Variants in CNTN5 observed in about 807,000 individuals in gnomAD.
CNTN5 encodes the protein contactin-5.
In CNTN5, 77 loss-of-function variants were observed where a neutral mutation model predicts 129.1. That is an observed-to-expected ratio of 0.60 (90% CI 0.50 to 0.72). The LOEUF is 0.72. Ranked by LOEUF, CNTN5 falls within the 30% of genes least tolerant of loss-of-function variation. The pLI is 0.00. For missense variants in CNTN5, 1,478 were observed against 1,328.8 expected, an observed-to-expected ratio of 1.11 and a Z score of -1.75; for synonymous variants, 509 against 465.6, an observed-to-expected ratio of 1.09 and a Z score of -1.20.
At chr11:99,092,080 G>T (rs1349737024) in intron 1 of CNTN5, among the ~76,000 whole-genome samples, 1 of 152,118 alleles carries the variant, frequency 6.6e-6, no homozygotes, top group Non-Finnish European at 1.5e-5. Context: ...GCCAATACAT[G>T]AGAAAGAAAG....
At chr11:99,575,200 A>G (rs1472408529) in intron 3 of CNTN5, among the ~76,000 whole-genome samples, 1 of 152,210 alleles carries the variant, frequency 6.6e-6, no homozygotes, top group African/African-American at 2.4e-5. Context: ...ACGTGTCTAT[A>G]TAATATTTAC....
At chr11:99,785,249 GA>G (rs1168856225) in intron 3 of CNTN5, among the ~76,000 whole-genome samples, 2 of 151,944 alleles carry the variant, frequency 1.3e-5, no homozygotes, top group Non-Finnish European at 2.9e-5. Context: ...ATTTTGATGG[GA>G]TTTTTTTTCT....
chr11:99,046,932 A>G lies in CNTN5; in HGVS notation c.-210+25662A>G, dbSNP rs1412648405. Among the ~76,000 whole-genome samples, 3 of 152,188 alleles carry G rather than the reference A, an allele frequency of 2.0e-5. No individual in the cohort carries two copies. The East Asian group carries it at 5.8e-4, about 29-fold the overall frequency. ...AGTCCCTTATTTTATCTCAGAAATG[A>G]TTTCATAAAATTGAAGTGAATTAGG... On this transcript the variant is annotated intron_variant, in intron 1 of 24. Coordinates refer to ENST00000524871, the MANE Select transcript of CNTN5 (RefSeq NM_014361.4).
At chr11:99,794,617 T>C (rs1945868532) in intron 3 of CNTN5, among the ~76,000 whole-genome samples, 1 of 152,206 alleles carries the variant, frequency 6.6e-6, no homozygotes, top group Non-Finnish European at 1.5e-5. Flanking sequence ...GGCAGATCTT[T>C]TGGTAACAAA....
chr11:99,820,682 T>A (rs902715019), intron 4 of CNTN5, among the ~76,000 whole-genome samples: 1 of 152,260 alleles, frequency 6.6e-6, no homozygotes, highest in Non-Finnish European at 1.5e-5. Flanking sequence ...GTAGATATTG[T>A]TACTGCCTTC....
At chr11:99,597,609 G>C (rs1439293486) in intron 3 of CNTN5, among the ~76,000 whole-genome samples, 1 of 152,022 alleles carries the variant, frequency 6.6e-6, no homozygotes, top group African/African-American at 2.4e-5. Flanking sequence ...TCCGGTACTG[G>C]TTATATCTAG....
chr11:99,657,109 G>C (rs570545106), intron 3 of CNTN5, among the ~76,000 whole-genome samples: 1 of 150,952 alleles, frequency 6.6e-6, no homozygotes, highest in Non-Finnish European at 1.5e-5. Flanking sequence ...AGTACAGATA[G>C]CTTAATGAAA....
chr11:100,120,844 ATTTAT>A (rs1945995087), intron 13 of CNTN5, among the ~76,000 whole-genome samples: 1 of 151,982 alleles, frequency 6.6e-6, no homozygotes, highest in African/African-American at 2.4e-5. Flanking sequence ...ATAAAAATAA[ATTTAT>A]TTTAAACTTA....
chr11:99,297,223 G>A (rs765035250), intron 1 of CNTN5, among the ~76,000 whole-genome samples: 1 of 152,174 alleles, frequency 6.6e-6, no homozygotes, highest in Non-Finnish European at 1.5e-5. Context: ...TAAAACAAGA[G>A]GGAGGAAGGC....
At chr11:99,435,340 G>A (rs1049224304) in intron 2 of CNTN5, among the ~76,000 whole-genome samples, 23 of 152,078 alleles carry the variant, frequency 1.5e-4, no homozygotes, top group African/African-American at 5.6e-4. Context: ...AGAATATTCT[G>A]CAGCTGTCCA....
intron 15 of CNTN5, among the ~76,000 whole-genome samples, chr11:100,214,702 T>G (rs1311473763): frequency 6.6e-6 from 1 of 152,178 alleles, no homozygotes; most frequent in African/African-American, 2.4e-5. Context: ...TTTGCACACC[T>G]AACCCCGAAG....
intron 1 of CNTN5, among the ~76,000 whole-genome samples, chr11:99,213,938 A>G (rs1184540785): frequency 6.6e-6 from 1 of 152,170 alleles, no homozygotes; most frequent in East Asian, 1.9e-4. Context: ...AGTTGATAAA[A>G]AGATGGATAA....
intron 3 of CNTN5, among the ~76,000 whole-genome samples, chr11:99,726,644 T>C (rs561285872): frequency 1.3e-5 from 2 of 152,322 alleles, no homozygotes; most frequent in East Asian, 1.9e-4. Context: ...AACTATCGTC[T>C]CCATTTTACA....
At chr11:99,454,041 C>G (rs373054905) in intron 2 of CNTN5, among the ~76,000 whole-genome samples, 1 of 152,134 alleles carries the variant, frequency 6.6e-6, no homozygotes, top group Non-Finnish European at 1.5e-5. Flanking sequence ...AAATACCCAG[C>G]TCTAAAATTT....
At chr11:99,984,305 G>GAGAGAAAGGGAAGGGAGA (rs1474885134) in intron 8 of CNTN5, among the ~76,000 whole-genome samples, 2 of 150,634 alleles carry the variant, frequency 1.3e-5, no homozygotes, top group Non-Finnish European at 3.0e-5. Flanking sequence ...GAATGGGAAA[G>GAGAGAAAGGGAAGGGAGA]AGAGAAAGGG....
At chr11:99,848,067 C>T (rs1406736577) in intron 6 of CNTN5, among the ~76,000 whole-genome samples, 1 of 152,030 alleles carries the variant, frequency 6.6e-6, no homozygotes, top group Non-Finnish European at 1.5e-5. Flanking sequence ...AAAAATTAGC[C>T]GGGCCTGGTG....
Position 99,796,925 on chromosome 11 carries a change from C to T in CNTN5, c.56-22619C>T, listed in dbSNP as rs115375157. 4.9e-3 allele frequency among the ~76,000 whole-genome samples: 738 copies of T among 152,144 alleles called. 13 individuals are homozygous for T. The highest frequency in any genetic ancestry group is 0.014 in the African/African-American group (591 of 41,506). On this transcript the variant is annotated intron_variant, in intron 3 of 24. Transcript: ENST00000524871. Reference sequence around the variant, plus strand: ...CTTCTGCTGCCAGGATTCCAGGGGTCAGTTGTGAGGGCAGGCTGCTCCTCA... The same window carrying T: ...CTTCTGCTGCCAGGATTCCAGGGGTTAGTTGTGAGGGCAGGCTGCTCCTCA...
chr11:100,328,497 C>A (rs183268080), intron 21 of CNTN5, among the ~76,000 whole-genome samples: 31 of 152,218 alleles, frequency 2.0e-4, no homozygotes, highest in Non-Finnish European at 4.4e-4. Flanking sequence ...GAGGCCTCAG[C>A]AAACTTACAA....
At chr11:99,123,937 G>C (rs534797150) in intron 1 of CNTN5, among the ~76,000 whole-genome samples, 1 of 152,048 alleles carries the variant, frequency 6.6e-6, no homozygotes, top group South Asian at 2.1e-4. Flanking sequence ...ATGCTGTTTT[G>C]ATTACCATAG....
Sources: gnomAD v4.1 joint callset for allele counts (sites outside exome capture counted in the v4.1 genomes callset) on GRCh38, gnomAD v4.1.1 for gene constraint, MANE v1.5 for transcripts, NCBI Gene and HGNC (gene_info 2026-07-23, HGNC 2026-07-21) for gene names.